Variants in SPN observed in about 807,000 individuals in gnomAD.
SPN encodes leukosialin.
In SPN, 6 loss-of-function variants were observed where a neutral mutation model predicts 8.4. The ratio of observed to expected loss-of-function variants is 0.72; its 90% CI spans 0.39 to 1.42. SPN has a LOEUF of 1.42. Among genes scored for constraint, SPN ranks in the 40% most tolerant of loss-of-function variants. The pLI is 0.02. For missense variants in SPN, 517 were observed against 530.6 expected, an observed-to-expected ratio of 0.97 and a Z score of 0.25; for synonymous variants, 201 against 222.6, an observed-to-expected ratio of 0.90 and a Z score of 0.86.
In SPN at chr16:29,664,763, C is replaced by A; in HGVS notation, c.1035C>A (p.Phe345Leu). ...GCCGTCGGCCCACGCTCACCACTTTCTTTGGCAGACGGAAGTCTCGCCAGG... is the reference window on the plus strand; with the variant it reads ...GCCGTCGGCCCACGCTCACCACTTTATTTGGCAGACGGAAGTCTCGCCAGG... Reference protein sequence around the residue: ...GSSRRPTLTTFFGRRKSRQGS... With the variant: ...GSSRRPTLTTLFGRRKSRQGS... The change falls in exon 2 of 2, where the codon TTC becomes TTA. Residue 345 changes from phenylalanine (F) to leucine (L), a missense_variant. Transcript: ENST00000652691. The surrounding 1 kb of genome is among the most constrained non-coding windows in gnomAD (Gnocchi z 6.4). The A allele has an allele frequency of 2.7e-6, 4 of 1,494,164 alleles. No individual in the cohort carries two copies. Among genetic ancestry groups the A allele is most frequent in the Admixed American group, 2.6e-5 (1 of 39,106 alleles). 92.6% of individuals were successfully genotyped at this position (1,494,164 alleles called of 1,614,324 possible). A position where few individuals can be genotyped will look rare whatever the true frequency, so the allele number is the denominator to read the frequency against.
Position 29,667,019 on chromosome 16 carries a change from A to G in SPN, c.*2088A>G, listed in dbSNP as rs1567321713. The G allele has an allele frequency of 1.1e-5, 5 of 470,552 alleles. No homozygotes were observed. The highest frequency in any genetic ancestry group is 1.8e-5 in the Non-Finnish European group (4 of 226,810). 29.1% of individuals were successfully genotyped at this position (470,552 alleles called of 1,614,324 possible). A position where few individuals can be genotyped will look rare whatever the true frequency, so the allele number is the denominator to read the frequency against. On this transcript the variant is annotated 3_prime_UTR_variant, in exon 2 of 2. Transcript: ENST00000652691. ...GTGGCCTGGGCAGGAGATGGGGGAA[A>G]GGGTCAGGTGGGGGATGGGCTCGTG...
rs765053582 is a variant in SPN at position 29,666,568 on chromosome 16, G to GCGCGCGCA, written c.*1638_*1639insGCGCGCAC. On this transcript the variant is annotated 3_prime_UTR_variant, in exon 2 of 2. Coordinates refer to ENST00000652691, the MANE Select transcript of SPN (RefSeq NM_003123.6). The stretch of plus-strand genomic sequence containing the variant: ...CACACACACACGCGCGCGCGCGCGC[G>GCGCGCGCA]CTCTCCTGCGAACAGAGGCAGGGGG... 87 of 239,346 alleles carry GCGCGCGCA rather than the reference G, an allele frequency of 3.6e-4. No homozygotes were observed. Among genetic ancestry groups the GCGCGCGCA allele is most frequent in the African/African-American group, 1.9e-3 (83 of 43,314 alleles). The allele number at this position is 239,346 out of a possible 1,614,324, so 14.8% of individuals were successfully genotyped here.
Position 29,664,429 on chromosome 16 carries a change from C to T in SPN, c.701C>T (p.Pro234Leu), listed in dbSNP as rs1463580110. Residue 234 changes from proline to leucine, a missense_variant, in exon 2 of 2, where the codon CCA becomes CTA. Transcript: ENST00000652691. This position sits in a 1 kb window ranked among gnomAD's most constrained non-coding sequence, Gnocchi z 6.4. ...SSVKLSTMMS[P>L]TTSTNASTVP... ...GTAAAACTATCTACAATGATGTCTC[C>T]AACGACCTCCACCAACGCAAGCACT... 1.9e-6 allele frequency: 3 copies of T among 1,614,078 alleles called. No homozygotes were observed. Among genetic ancestry groups the T allele is most frequent in the Non-Finnish European group, 2.5e-6 (3 of 1,180,038 alleles).
Position 29,666,365 on chromosome 16 carries a change from CT to C in SPN, c.*1435del, listed in dbSNP as rs1401038897. On this transcript the variant is annotated 3_prime_UTR_variant, in exon 2 of 2. Transcript: ENST00000652691. ...TCAGCCTGGGCAACAGAGTGAGCCC[CT>C]GTCTCAAAAAAGAAAAGAAAAAGAA... 1.8e-5 allele frequency: 3 copies of C among 167,138 alleles called. No individual in the cohort carries two copies. Among genetic ancestry groups the C allele is most frequent in the African/African-American group, 7.2e-5 (3 of 41,398 alleles). 10.4% of individuals were successfully genotyped at this position (167,138 alleles called of 1,614,324 possible). A position where few individuals can be genotyped will look rare whatever the true frequency, so the allele number is the denominator to read the frequency against.
rs1966803296 is a variant in SPN at position 29,665,928 on chromosome 16, G to A, written c.*997G>A. 6.0e-6 allele frequency: 1 copy of A among 167,198 alleles called. No individual in the cohort carries two copies. The highest frequency in any genetic ancestry group is 1.5e-5 in the Non-Finnish European group (1 of 68,210). The allele number at this position is 167,198 out of a possible 1,614,324, so 10.4% of individuals were successfully genotyped here. A position where few individuals can be genotyped will look rare whatever the true frequency, so the allele number is the denominator to read the frequency against. On this transcript the variant is annotated 3_prime_UTR_variant, in exon 2 of 2. Coordinates refer to ENST00000652691, the MANE Select transcript of SPN (RefSeq NM_003123.6). ...CCAGCCATGGACAGAGGCAGCCAGA[G>A]GCCTCACGGTTTCTCCTCCGAGTTT...
Position 29,663,732 on chromosome 16 carries a change from G to A in SPN, c.4G>A (p.Ala2Thr). 1 of 1,556,466 alleles carries A rather than the reference G, an allele frequency of 6.4e-7. No homozygotes were observed. Among genetic ancestry groups the A allele is most frequent in the Non-Finnish European group, 8.7e-7 (1 of 1,153,420 alleles). The change falls in exon 2 of 2, where the codon GCC (alanine) becomes ACC (threonine). Residue 2 changes from alanine (A) to threonine (T), a missense_variant. Transcript: ENST00000652691. The surrounding 1 kb of genome is among the most constrained non-coding windows in gnomAD (Gnocchi z 4.3). ...GCTCCTGCCTGTTTGCCTGGAAATG[G>A]CCACGCTTCTCCTTCTCCTTGGGGT... is the stretch of plus-strand genomic sequence containing the variant. M[A>T]TLLLLLGVLV...
Position 29,663,596 on chromosome 16 carries a change from T to C in SPN, c.-34-99T>C. ...ATGGAAAAAACCGTTAAACCGCAGG[T>C]TGGGCCTGGCCGTTGGCAGGGAAGT... On this transcript the variant is annotated intron_variant, in intron 1 of 1. Coordinates refer to ENST00000652691, the MANE Select transcript of SPN (RefSeq NM_003123.6). The surrounding 1 kb of genome is among the most constrained non-coding windows in gnomAD (Gnocchi z 4.3). 2.3e-6 allele frequency: 3 copies of C among 1,296,948 alleles called. No individual in the cohort carries two copies. Among genetic ancestry groups the C allele is most frequent in the Non-Finnish European group, 3.1e-6 (3 of 953,300 alleles). 80.3% of individuals were successfully genotyped at this position (1,296,948 alleles called of 1,614,324 possible). A position where few individuals can be genotyped will look rare whatever the true frequency, so the allele number is the denominator to read the frequency against.
At position 29,663,933 on chromosome 16, in the gene SPN, A is replaced by G. The variant is rs773431956; in HGVS notation, c.205A>G (p.Thr69Ala). The change falls in exon 2 of 2, where the codon ACT (threonine) becomes GCT (alanine). Residue 69 changes from threonine to alanine, a missense_variant. Transcript: ENST00000652691. The surrounding 1 kb of genome is among the most constrained non-coding windows in gnomAD (Gnocchi z 4.3). ...GDQTSALPPS[T>A]SINEGSPLWT... ...CCAGACCTCAGCCCTACCTCCCTCA[A>G]CTTCCATCAATGAGGGATCCCCTCT... The G allele has an allele frequency of 3.1e-6, 5 of 1,613,826 alleles. No individual in the cohort carries two copies. The highest frequency in any genetic ancestry group is 1.6e-4 in the Middle Eastern group (1 of 6,062).
In SPN at chr16:29,664,767, G is replaced by T. The variant is rs868248003; in HGVS notation, c.1039G>T (p.Gly347Cys). 1 of 1,495,056 alleles carries T rather than the reference G, an allele frequency of 6.7e-7. No homozygotes were observed. Among genetic ancestry groups the T allele is most frequent in the Non-Finnish European group, 8.9e-7 (1 of 1,124,424 alleles). The allele number at this position is 1,495,056 out of a possible 1,614,324, so 92.6% of individuals were successfully genotyped here. The change falls in exon 2 of 2, where the codon GGC becomes TGC. Residue 347 changes from glycine to cysteine, a missense_variant. Coordinates refer to ENST00000652691, the MANE Select transcript of SPN (RefSeq NM_003123.6). The surrounding 1 kb of genome is among the most constrained non-coding windows in gnomAD (Gnocchi z 6.4). Reference protein sequence around the residue: ...SRRPTLTTFFGRRKSRQGSLA... With the variant: ...SRRPTLTTFFCRRKSRQGSLA... ...TCGGCCCACGCTCACCACTTTCTTT[G>T]GCAGACGGAAGTCTCGCCAGGGCTC... is the stretch of plus-strand genomic sequence containing the variant.
chr16:29,664,907 AG>A lies in SPN; in HGVS notation c.1184del (p.Gly395GlufsTer10), dbSNP rs745460559. 1.5e-5 allele frequency: 22 copies of A among 1,429,378 alleles called. No homozygotes were observed. The highest frequency in any genetic ancestry group is 2.0e-5 in the Non-Finnish European group (22 of 1,089,778). The allele number at this position is 1,429,378 out of a possible 1,614,324, so 88.5% of individuals were successfully genotyped here. ...VDAPAPDEPE[G>X]GDGAAP ...ACGCCCCAGCTCCTGATGAGCCCGAAGGGGGAGACGGGGCTGCCCCTTAAGT... is the reference window on the plus strand; with the variant it reads ...ACGCCCCAGCTCCTGATGAGCCCGAAGGGGAGACGGGGCTGCCCCTTAAGT... On this transcript the variant is annotated frameshift_variant, in exon 2 of 2. Transcript: ENST00000652691. LOFTEE classifies it high-confidence loss of function. This position sits in a 1 kb window ranked among gnomAD's most constrained non-coding sequence, Gnocchi z 6.4.
chr16:29,668,246 G>A lies in SPN; in HGVS notation c.*3315G>A, dbSNP rs1433339330. ...ATTTTTGTATTTTTTGTAGAGATGG[G>A]GTTTCACCATGTTGTCCCGGCTGGT... is the stretch of plus-strand genomic sequence containing the variant. On this transcript the variant is annotated 3_prime_UTR_variant, in exon 2 of 2. Coordinates refer to ENST00000652691, the MANE Select transcript of SPN (RefSeq NM_003123.6). 1.2e-5 allele frequency: 2 copies of A among 161,336 alleles called. No individual in the cohort carries two copies. The highest frequency in any genetic ancestry group is 4.8e-5 in the African/African-American group (2 of 41,370). 10.0% of individuals were successfully genotyped at this position (161,336 alleles called of 1,614,324 possible).
In SPN at chr16:29,663,546, A is replaced by T; in HGVS notation, c.-34-149A>T. The T allele has an allele frequency of 2.5e-6, 2 of 796,710 alleles. No individual in the cohort carries two copies. Among genetic ancestry groups the T allele is most frequent in the Non-Finnish European group, 3.9e-6 (2 of 507,176 alleles). 49.4% of individuals were successfully genotyped at this position (796,710 alleles called of 1,614,324 possible). Reference sequence around the variant, plus strand: ...AGCTGCCAGCATCTGTTCCTCTGTCATTTCTGATAACAGTAAAAGCCAGCA... The same window carrying T: ...AGCTGCCAGCATCTGTTCCTCTGTCTTTTCTGATAACAGTAAAAGCCAGCA... On this transcript the variant is annotated intron_variant, in intron 1 of 1. Coordinates refer to ENST00000652691, the MANE Select transcript of SPN (RefSeq NM_003123.6). The surrounding 1 kb of genome is among the most constrained non-coding windows in gnomAD (Gnocchi z 4.3).
Position 29,667,797 on chromosome 16 carries a change from A to C in SPN, c.*2866A>C, listed in dbSNP as rs1432674681. ...TCAAAAAATAAAAATAAATAAAATA[A>C]ATAAAAGAGAGGCACAAACAGTGTT... On this transcript the variant is annotated 3_prime_UTR_variant, in exon 2 of 2. Coordinates refer to ENST00000652691, the MANE Select transcript of SPN (RefSeq NM_003123.6). 6.3e-6 allele frequency: 1 copy of C among 158,668 alleles called. No individual in the cohort carries two copies. Among genetic ancestry groups the C allele is most frequent in the African/African-American group, 2.4e-5 (1 of 41,386 alleles). The allele number at this position is 158,668 out of a possible 1,614,324, so 9.8% of individuals were successfully genotyped here. A position where few individuals can be genotyped will look rare whatever the true frequency, so the allele number is the denominator to read the frequency against.
rs1245801387 is a variant in SPN, at chr16:29,668,011, C to T, written c.*3080C>T. 2 of 166,970 alleles carry T rather than the reference C, an allele frequency of 1.2e-5. No homozygotes were observed. Among genetic ancestry groups the T allele is most frequent in the African/African-American group, 2.4e-5 (1 of 41,378 alleles). The allele number at this position is 166,970 out of a possible 1,614,324, so 10.3% of individuals were successfully genotyped here. A position where few individuals can be genotyped will look rare whatever the true frequency, so the allele number is the denominator to read the frequency against. ...GTGTGCGCGCATGTGTGTGTGCATG[C>T]ATGTTCTCCCATGCATGTGTACTGT... On this transcript the variant is annotated 3_prime_UTR_variant, in exon 2 of 2. Coordinates refer to ENST00000652691, the MANE Select transcript of SPN (RefSeq NM_003123.6).
rs1020862444 is a variant in SPN, at chr16:29,669,284, C to T, written c.*4353C>T. 1.8e-5 allele frequency: 3 copies of T among 166,134 alleles called. No individual in the cohort carries two copies. The highest frequency in any genetic ancestry group is 7.3e-5 in the African/African-American group (3 of 41,198). 10.3% of individuals were successfully genotyped at this position (166,134 alleles called of 1,614,324 possible). A position where few individuals can be genotyped will look rare whatever the true frequency, so the allele number is the denominator to read the frequency against. Reference sequence around the variant, plus strand: ...TGGCGTGATCTTGGCTCACCAGAACCTCCGCCTCCTGGGTTCAAACAATTC... The same window carrying T: ...TGGCGTGATCTTGGCTCACCAGAACTTCCGCCTCCTGGGTTCAAACAATTC... On this transcript the variant is annotated 3_prime_UTR_variant, in exon 2 of 2. Transcript: ENST00000652691.
rs1293341953 is a variant in SPN at position 29,666,524 on chromosome 16, T to TCTCTCTCACACACA, written c.*1594_*1595insTCTCTCACACACAC. 5.6e-4 allele frequency: 77 copies of TCTCTCTCACACACA among 137,582 alleles called. No homozygotes were observed. The highest frequency in any genetic ancestry group is 4.0e-3 in the Middle Eastern group (1 of 248). The allele number at this position is 137,582 out of a possible 1,614,324, so 8.5% of individuals were successfully genotyped here. A position where few individuals can be genotyped will look rare whatever the true frequency, so the allele number is the denominator to read the frequency against. On this transcript the variant is annotated 3_prime_UTR_variant, in exon 2 of 2. Transcript: ENST00000652691. ...TGCGCTCTCTCTCTCTCTCTCTCTC[T>TCTCTCTCACACACA]CACACACACACACACACACACACAC...
chr16:29,670,332 TACAAAAATTA>T lies in SPN; in HGVS notation c.*5402_*5411del, dbSNP rs1966846117. Reference sequence around the variant, plus strand: ...GGTGAAACCCTGTCTCTACTAAAAATACAAAAATTAGCCAGGCGTGGTGGCATGCCCCCGT... The same window carrying T: ...GGTGAAACCCTGTCTCTACTAAAAATGCCAGGCGTGGTGGCATGCCCCCGT... On this transcript the variant is annotated 3_prime_UTR_variant, in exon 2 of 2. Transcript: ENST00000652691. 6 of 153,910 alleles carry T rather than the reference TACAAAAATTA, an allele frequency of 3.9e-5. No individual in the cohort carries two copies. The highest frequency in any genetic ancestry group is 1.5e-4 in the African/African-American group (6 of 41,044). 9.5% of individuals were successfully genotyped at this position (153,910 alleles called of 1,614,324 possible). A position where few individuals can be genotyped will look rare whatever the true frequency, so the allele number is the denominator to read the frequency against.
rs34539498 is a variant in SPN, at chr16:29,668,605, A to AT, written c.*3685dup. ...AGGTGTGCACCAACATGCCCAGCTA[A>AT]TTTTTTTTTTTAATTTTTAATTTGT... On this transcript the variant is annotated 3_prime_UTR_variant, in exon 2 of 2. Transcript: ENST00000652691. 1.1e-4 allele frequency: 17 copies of AT among 158,844 alleles called. No individual in the cohort carries two copies. Among genetic ancestry groups the AT allele is most frequent in the Non-Finnish European group, 1.5e-4 (10 of 67,644 alleles). 9.8% of individuals were successfully genotyped at this position (158,844 alleles called of 1,614,324 possible).
chr16:29,665,045 C>T lies in SPN; in HGVS notation c.*114C>T. 2.6e-6 allele frequency: 3 copies of T among 1,152,034 alleles called. No individual in the cohort carries two copies. The highest frequency in any genetic ancestry group is 3.3e-6 in the Non-Finnish European group (3 of 899,866). The allele number at this position is 1,152,034 out of a possible 1,614,324, so 71.4% of individuals were successfully genotyped here. ...TGTTTCCACCCGGCACCCTGATCCTCACCCGAATCTCCTTTTTTTTTTTCT... is the reference window on the plus strand; with the variant it reads ...TGTTTCCACCCGGCACCCTGATCCTTACCCGAATCTCCTTTTTTTTTTTCT... On this transcript the variant is annotated 3_prime_UTR_variant, in exon 2 of 2. Coordinates refer to ENST00000652691, the MANE Select transcript of SPN (RefSeq NM_003123.6).
Sources: allele counts gnomAD v4.1 joint callset, GRCh38; gene constraint gnomAD v4.1.1; non-coding constraint Gnocchi (gnomAD v3.1); transcripts MANE v1.5; gene names NCBI Gene and HGNC (gene_info 2026-07-23, HGNC 2026-07-21).